KIRREL3: variants seen among roughly 807,000 people sequenced by gnomAD.
The protein encoded by KIRREL3 is kin of IRRE-like protein 3.
KIRREL3 carries 36 observed loss-of-function variants against 89.7 expected under a neutral mutation model. The ratio of observed to expected loss-of-function variants is 0.40; its 90% CI spans 0.31 to 0.53. The LOEUF is 0.53. KIRREL3 is among the 20% of genes least tolerant of loss of function. The pLI, the probability that KIRREL3 is intolerant of heterozygous loss-of-function variation, is 0.49. For missense variants in KIRREL3, 864 were observed against 1,056.6 expected (o/e 0.82, Z 2.53); for synonymous variants, 445 against 441.4 (o/e 1.01, Z -0.10).
rs571603650 is a variant in KIRREL3, at chr11:126,916,118, T to C, written c.55+84337A>G. ...CTAGTGATTAATAGCGTTCTAATGA[T>C]ACCCTGAATGAGTAGCAAAGGTAGG... is the stretch of plus-strand genomic sequence containing the variant. On this transcript the variant is annotated intron_variant, in intron 1 of 16. Transcript: ENST00000525144. Among the ~76,000 whole-genome samples, 20 of 152,318 alleles carry C rather than the reference T, an allele frequency of 1.3e-4. No individual in the cohort carries two copies. The South Asian group carries it at 2.5e-3, about 19-fold the overall frequency.
intron 2 of KIRREL3, among the ~76,000 whole-genome samples, chr11:126,548,987 C>T (rs565592082): frequency 9.9e-5 from 15 of 152,168 alleles, no homozygotes; most frequent in Non-Finnish European, 1.9e-4. Context: ...GTCCAGGGTC[C>T]TTTCTCTATG....
chr11:126,974,005 G>A (rs1949502816), intron 1 of KIRREL3, among the ~76,000 whole-genome samples: 1 of 152,082 alleles, frequency 6.6e-6, no homozygotes, highest in Non-Finnish European at 1.5e-5. Flanking sequence ...TTCTTTAGTT[G>A]TCCTGTGTGC....
rs537793940 is a variant in KIRREL3, at chr11:126,939,302, C to T, written c.55+61153G>A. On this transcript the variant is annotated intron_variant, in intron 1 of 16. Coordinates refer to ENST00000525144, the MANE Select transcript of KIRREL3 (RefSeq NM_032531.4). ...CCCAATGGGCTGCTCCACCTTCGAG[C>T]GCTTAATTAGTTTGTCTTTCTGGAT... Among the ~76,000 whole-genome samples the T allele has an allele frequency of 2.5e-4, 38 of 152,272 alleles. 1 individual carries two copies. The South Asian group carries it at 5.6e-3, about 22-fold the overall frequency.
rs765402155 is a variant in KIRREL3, at chr11:126,830,557, C to T, written c.55+169898G>A. On this transcript the variant is annotated intron_variant, in intron 1 of 16. Coordinates refer to ENST00000525144, the MANE Select transcript of KIRREL3 (RefSeq NM_032531.4). The surrounding 1 kb of genome is among the most constrained non-coding windows in gnomAD (Gnocchi z 4.9). ...ACTTATCCTTTTGCATCCCTGGATT[C>T]TACAGGTGGCTCGGTGACAGTCATC... Among the ~76,000 whole-genome samples, 22 of 152,178 alleles carry T rather than the reference C, an allele frequency of 1.4e-4. No homozygotes were observed. Among genetic ancestry groups the T allele is most frequent in the Non-Finnish European group, 3.1e-4 (21 of 68,036 alleles).
At position 126,608,907 on chromosome 11, in the gene KIRREL3, G is replaced by A. The variant is rs1842136329; in HGVS notation, c.56-45995C>T. ...GAGGGGATGGAGAAGCAGCTCTGGA[G>A]CCCAGCTTGCTGTTAGCCCTGAGAA... On this transcript the variant is annotated intron_variant, in intron 1 of 16. Coordinates refer to ENST00000525144, the MANE Select transcript of KIRREL3 (RefSeq NM_032531.4). This position sits in a 1 kb window ranked among gnomAD's most constrained non-coding sequence, Gnocchi z 4.9. Among the ~76,000 whole-genome samples the A allele has an allele frequency of 6.6e-6, 1 of 152,234 alleles. No homozygotes were observed. Among genetic ancestry groups the A allele is most frequent in the Non-Finnish European group, 1.5e-5 (1 of 68,044 alleles).
intron 1 of KIRREL3, among the ~76,000 whole-genome samples, chr11:126,829,449 A>G (rs377596821): frequency 6.6e-6 from 1 of 152,300 alleles, no homozygotes; most frequent in East Asian, 1.9e-4. Flanking sequence ...ACTAGATTCC[A>G]TAGGCATTAA....
intron 1 of KIRREL3, among the ~76,000 whole-genome samples, chr11:126,926,268 C>T (rs545502921): frequency 5.3e-5 from 8 of 152,174 alleles, no homozygotes; most frequent in African/African-American, 9.7e-5. Context: ...CTCTGTGCAG[C>T]GATTCAGTTC....
chr11:126,746,817 T>C (rs1735630004), intron 1 of KIRREL3, among the ~76,000 whole-genome samples: 1 of 152,214 alleles, frequency 6.6e-6, no homozygotes, highest in African/African-American at 2.4e-5. Context: ...AACCCCATTG[T>C]GCTTAGCAAG....
In KIRREL3 at chr11:126,976,814, T is replaced by C. The variant is rs2135234154; in HGVS notation, c.55+23641A>G. Among the ~76,000 whole-genome samples the C allele has an allele frequency of 6.6e-6, 1 of 152,296 alleles. No homozygotes were observed. Among genetic ancestry groups the C allele is most frequent in the South Asian group, 2.1e-4 (1 of 4,814 alleles). ...GGTAAAGGAGAGGGGAGGTTACTAC[T>C]GGCATAAGGTTATTACTTCACGGTG... On this transcript the variant is annotated intron_variant, in intron 1 of 16. Coordinates refer to ENST00000525144, the MANE Select transcript of KIRREL3 (RefSeq NM_032531.4). This position sits in a 1 kb window ranked among gnomAD's most constrained non-coding sequence, Gnocchi z 4.2.
intron 1 of KIRREL3, among the ~76,000 whole-genome samples, chr11:126,757,533 T>C (rs1408003273): frequency 6.6e-6 from 1 of 152,108 alleles, no homozygotes; most frequent in Non-Finnish European, 1.5e-5. Flanking sequence ...ACAGACAATT[T>C]CCTATGGGAA....
rs927773514 is a variant in KIRREL3 at position 126,689,897 on chromosome 11, C to A, written c.56-126985G>T. Among the ~76,000 whole-genome samples the A allele has an allele frequency of 2.0e-5, 3 of 152,194 alleles. No homozygotes were observed. Among genetic ancestry groups the A allele is most frequent in the Non-Finnish European group, 2.9e-5 (2 of 68,022 alleles). On this transcript the variant is annotated intron_variant, in intron 1 of 16. Coordinates refer to ENST00000525144, the MANE Select transcript of KIRREL3 (RefSeq NM_032531.4). This position sits in a 1 kb window ranked among gnomAD's most constrained non-coding sequence, Gnocchi z 5.2. ...TTTGCTATTAACTGCAAATGGCAAG[C>A]AGCATCTTAGAAAGCTAGTTAGTGA...
chr11:126,466,537 C>A (rs750403806), intron 5 of KIRREL3, among the ~76,000 whole-genome samples: 2 of 152,182 alleles, frequency 1.3e-5, no homozygotes, highest in African/African-American at 4.8e-5. Context: ...TGGAGGGGCA[C>A]GGGGGATCTG....
chr11:126,452,081 A>T (rs531759312), intron 7 of KIRREL3, among the ~76,000 whole-genome samples: 23 of 152,172 alleles, frequency 1.5e-4, no homozygotes, highest in African/African-American at 5.5e-4. Context: ...CAGCCCCGAG[A>T]GACGACTGTT....
Position 126,668,616 on chromosome 11 carries a change from G to T in KIRREL3, c.56-105704C>A, listed in dbSNP as rs1565634337. ...CCCACTTCTCTAGGATGACAGAGAG[G>T]CCCCCCTTCTCGGTTTTCTCAGATA... On this transcript the variant is annotated intron_variant, in intron 1 of 16. Transcript: ENST00000525144. This position sits in a 1 kb window ranked among gnomAD's most constrained non-coding sequence, Gnocchi z 4.4. 6.6e-6 allele frequency among the ~76,000 whole-genome samples: 1 copy of T among 152,024 alleles called. No individual in the cohort carries two copies. Among genetic ancestry groups the T allele is most frequent in the African/African-American group, 2.4e-5 (1 of 41,380 alleles).
At position 126,729,286 on chromosome 11, in the gene KIRREL3, A is replaced by G. The variant is rs1399936729; in HGVS notation, c.56-166374T>C. 6.6e-6 allele frequency among the ~76,000 whole-genome samples: 1 copy of G among 152,212 alleles called. No individual in the cohort carries two copies. Among genetic ancestry groups the G allele is most frequent in the Non-Finnish European group, 1.5e-5 (1 of 68,040 alleles). ...AAACAAGCACGCTGGCTTAACAACA[A>G]ATCTAATTCTTTTAGGGAAAAGAGG... On this transcript the variant is annotated intron_variant, in intron 1 of 16. Transcript: ENST00000525144. This position sits in a 1 kb window ranked among gnomAD's most constrained non-coding sequence, Gnocchi z 4.5.
Position 126,430,024 on chromosome 11 carries a change from A to C in KIRREL3, c.1697-736T>G, listed in dbSNP as rs1051844962. On this transcript the variant is annotated intron_variant, in intron 14 of 16. Coordinates refer to ENST00000525144, the MANE Select transcript of KIRREL3 (RefSeq NM_032531.4). The surrounding 1 kb of genome is among the most constrained non-coding windows in gnomAD (Gnocchi z 6.6). ...GTGGTGGGTGCCTGTAATGCCAGCTACTCGGGAGGCTGAGCATGAGACTCG... is the reference window on the plus strand; with the variant it reads ...GTGGTGGGTGCCTGTAATGCCAGCTCCTCGGGAGGCTGAGCATGAGACTCG... 9.9e-5 allele frequency among the ~76,000 whole-genome samples: 15 copies of C among 151,892 alleles called. No individual in the cohort carries two copies. The highest frequency in any genetic ancestry group is 2.9e-4 in the African/African-American group (12 of 41,298).
chr11:126,500,739 CAA>C (rs10556780), intron 4 of KIRREL3, among the ~76,000 whole-genome samples: 16,433 of 133,068 alleles, frequency 0.12, 1,044 homozygotes, highest in South Asian at 0.31. Flanking sequence ...GACTTTAACT[CAA>C]AAAAAAAAAA....
intron 1 of KIRREL3, among the ~76,000 whole-genome samples, chr11:126,851,743 G>C (rs1944344182): frequency 6.6e-6 from 1 of 152,204 alleles, no homozygotes; most frequent in Non-Finnish European, 1.5e-5. Context: ...AAGCGATTAA[G>C]ACATCCTGGC....
chr11:126,902,864 A>C (rs1237643261), intron 1 of KIRREL3, among the ~76,000 whole-genome samples: 1 of 152,200 alleles, frequency 6.6e-6, no homozygotes. Context: ...CTGAGGCTAC[A>C]TGGTTGCACC....
Sources: allele counts gnomAD v4.1 joint callset (sites outside exome capture counted in the v4.1 genomes callset), GRCh38; gene constraint gnomAD v4.1.1; non-coding constraint Gnocchi (gnomAD v3.1); transcripts MANE v1.5; gene names NCBI Gene and HGNC (gene_info 2026-07-23, HGNC 2026-07-21).